Variants in FCHO2 observed in about 807,000 individuals in gnomAD.
FCHO2 encodes FCH and mu domain containing endocytic adaptor 2, also known as F-BAR domain only protein 2.
FCHO2 carries 43 observed loss-of-function variants against 114.1 expected under a neutral mutation model. That is an observed-to-expected ratio of 0.38 (90% CI 0.30 to 0.49). FCHO2 has a LOEUF of 0.49. Among genes scored for constraint, FCHO2 ranks in the 20% least tolerant of loss-of-function variants. FCHO2 has a pLI of 0.97. For missense variants in FCHO2, 807 were observed against 950.4 expected (o/e 0.85, Z 1.98); for synonymous variants, 293 against 315.2 (o/e 0.93, Z 0.75).
intron 22 of FCHO2, among the ~76,000 whole-genome samples, chr5:73,081,059 A>G (rs1165390407): frequency 3.3e-5 from 5 of 152,212 alleles, no homozygotes; most frequent in Non-Finnish European, 7.4e-5. Flanking sequence ...GCAGTGAGCC[A>G]TGAGCATGCC....
chr5:73,076,849 A>G (rs141043931), intron 20 of FCHO2, among the ~76,000 whole-genome samples: 4 of 152,318 alleles, frequency 2.6e-5, no homozygotes, highest in Non-Finnish European at 5.9e-5. Flanking sequence ...AGGATTACCA[A>G]AGGGGTCCAG....
chr5:73,063,740 G>C, intron 17 of FCHO2, 101 bp from the exon 18 acceptor site: 1 of 1,002,518 alleles, frequency 1.0e-6, no homozygotes, highest in Non-Finnish European at 1.5e-6. Flanking sequence ...CCTGAAAAAT[G>C]AGCTTTGATT....
At chr5:73,023,484 C>T (rs1755741594) in intron 8 of FCHO2, among the ~76,000 whole-genome samples, 1 of 151,958 alleles carries the variant, frequency 6.6e-6, no homozygotes, top group South Asian at 2.1e-4. Context: ...GGTGTATTAC[C>T]TGAGGTCAGG....
intron 5 of FCHO2, among the ~76,000 whole-genome samples, chr5:72,991,903 TAA>T (rs1478255336): frequency 2.6e-5 from 4 of 152,246 alleles, no homozygotes; most frequent in Non-Finnish European, 5.9e-5. Context: ...TGAAGTTTGA[TAA>T]GAGTTAATTT....
intron 18 of FCHO2, among the ~76,000 whole-genome samples, chr5:73,064,620 T>C (rs1259517393): frequency 6.6e-6 from 1 of 152,094 alleles, no homozygotes; most frequent in Non-Finnish European, 1.5e-5. Flanking sequence ...GTCTGTGTGG[T>C]TGACTGTTTT....
At chr5:72,959,083 C>T in intron 1 of FCHO2, among the ~76,000 whole-genome samples, 1 of 152,202 alleles carries the variant, frequency 6.6e-6, no homozygotes, top group East Asian at 1.9e-4. Flanking sequence ...TTCACTTTCA[C>T]TATTGAAAAC....
At chr5:72,975,172 ATTAT>A (rs1305189571) in intron 2 of FCHO2, among the ~76,000 whole-genome samples, 1 of 152,086 alleles carries the variant, frequency 6.6e-6, no homozygotes, top group Non-Finnish European at 1.5e-5. Context: ...AAATTTGGTA[ATTAT>A]TTATTTTTAT....
At chr5:73,027,076 T>C (rs1245957404) in intron 8 of FCHO2, among the ~76,000 whole-genome samples, 7 of 150,442 alleles carry the variant, frequency 4.7e-5, no homozygotes, top group Non-Finnish European at 1.5e-5. Context: ...TTTGAGTCAC[T>C]GTAAGAGGAT....
Position 72,990,706 on chromosome 5 carries a change from A to G in FCHO2, c.343-6A>G, listed in dbSNP as rs1435769860. ...TCATTTTGATGGATCATTTCATACT[A>G]AACAGACTAAAGAAGAAGTTGCAGG... On this transcript the variant is annotated splice_polypyrimidine_tract_variant and splice_region_variant and intron_variant, in intron 4 of 25. Coordinates refer to ENST00000430046, the MANE Select transcript of FCHO2 (RefSeq NM_138782.3). 1.9e-6 allele frequency: 3 copies of G among 1,552,890 alleles called. No homozygotes were observed. The Admixed American group carries it at 6.0e-5, about 31-fold the overall frequency.
intron 5 of FCHO2, chr5:72,997,415 A>T (rs1250174855): frequency 3.1e-6 from 5 of 1,600,526 alleles, no homozygotes; most frequent in Non-Finnish European, 4.3e-6. Context: ...GGGCAGCTAC[A>T]TCAAGGACCT....
In FCHO2 at chr5:73,088,828, A is replaced by G. The variant is rs1743395909; in HGVS notation, c.*738A>G. On this transcript the variant is annotated 3_prime_UTR_variant, in exon 26 of 26. Coordinates refer to ENST00000430046, the MANE Select transcript of FCHO2 (RefSeq NM_138782.3). ...AATGCTGTAGATTTAATTTATTTTT[A>G]TATGGAATTGCATAATGTGTGCCTT... 1 of 152,554 alleles carries G rather than the reference A, an allele frequency of 6.6e-6. No individual in the cohort carries two copies. The highest frequency in any genetic ancestry group is 2.4e-5 in the African/African-American group (1 of 41,444). The allele number at this position is 152,554 out of a possible 1,614,324, so 9.5% of individuals were successfully genotyped here.
chr5:73,089,532 C>T lies in FCHO2; in HGVS notation c.*1442C>T, dbSNP rs1743418723. On this transcript the variant is annotated 3_prime_UTR_variant, in exon 26 of 26. Coordinates refer to ENST00000430046, the MANE Select transcript of FCHO2 (RefSeq NM_138782.3). ...ACTACCAATACTAAATAGTAAGAAA[C>T]CTAACTTTAGTAGCAAATCTTGATT... The T allele has an allele frequency of 6.6e-6, 1 of 152,148 alleles. No homozygotes were observed. Among genetic ancestry groups the T allele is most frequent in the African/African-American group, 2.4e-5 (1 of 41,316 alleles). 9.4% of individuals were successfully genotyped at this position (152,148 alleles called of 1,614,324 possible).
rs146766403 is a variant in FCHO2 at position 73,035,302 on chromosome 5, C to T, written c.841+601C>T. 3.8e-3 allele frequency among the ~76,000 whole-genome samples: 573 copies of T among 152,072 alleles called. 2 individuals carry two copies. Among genetic ancestry groups the T allele is most frequent in the African/African-American group, 0.013 (537 of 41,462 alleles). On this transcript the variant is annotated intron_variant, in intron 9 of 25. Transcript: ENST00000430046. ...GGTGTGGTGGTGTGCACCTGTAGTC[C>T]CAGCTACTGGGAAGGCTGAGGTAGA...
At chr5:73,087,801 T>C (rs1301349589) in intron 25 of FCHO2, 48 bp downstream of exon 25, 1 of 1,525,278 alleles carries the variant, frequency 6.6e-7, no homozygotes. Context: ...GAAACATTTG[T>C]ATTCTAACAG....
At position 73,085,972 on chromosome 5, in the gene FCHO2, A is replaced by G. The variant is rs139336183; in HGVS notation, c.2246-1617A>G. Among the ~76,000 whole-genome samples, 647 of 151,548 alleles carry G rather than the reference A, an allele frequency of 4.3e-3. 7 individuals are homozygous for G. The highest frequency in any genetic ancestry group is 0.015 in the African/African-American group (617 of 41,298). ...ACCCTGTCTCTACTAAAAATACAGA[A>G]TTAGCCAGGCATGGTGGTGTGCGCC... On this transcript the variant is annotated intron_variant, in intron 24 of 25. Transcript: ENST00000430046.
intron 18 of FCHO2, among the ~76,000 whole-genome samples, chr5:73,065,618 A>G (rs1356314007): frequency 6.6e-6 from 1 of 152,056 alleles, no homozygotes; most frequent in Non-Finnish European, 1.5e-5. Flanking sequence ...TGTTGAATGC[A>G]AATAGTTGCT....
intron 22 of FCHO2, among the ~76,000 whole-genome samples, 163 bp downstream of exon 22, chr5:73,078,475 A>C (rs1298998323): frequency 6.6e-6 from 1 of 152,232 alleles, no homozygotes; most frequent in Non-Finnish European, 1.5e-5. Flanking sequence ...GATTTTGACC[A>C]GTTTGGTAAA....
intron 17 of FCHO2, among the ~76,000 whole-genome samples, chr5:73,059,403 G>C (rs1410525602): frequency 6.6e-6 from 1 of 152,034 alleles, no homozygotes; most frequent in Admixed American, 6.6e-5. Context: ...AAAGCTCAGA[G>C]ATAATAAGTA....
intron 2 of FCHO2, among the ~76,000 whole-genome samples, chr5:72,977,764 A>C (rs1752966718): frequency 6.6e-6 from 1 of 152,142 alleles, no homozygotes; most frequent in Non-Finnish European, 1.5e-5. Flanking sequence ...CTTACGTTGA[A>C]GTGTTTAGCC....
Sources: gnomAD v4.1 joint callset for allele counts (sites outside exome capture counted in the v4.1 genomes callset) on GRCh38, gnomAD v4.1.1 for gene constraint, MANE v1.5 for transcripts, NCBI Gene and HGNC (gene_info 2026-07-23, HGNC 2026-07-21) for gene names.